The following USP6NL variants were observed in gnomAD, a reference collection of about 807,000 sequenced individuals.
The protein encoded by USP6NL is USP6 N-terminal like, also known as USP6 N-terminal-like protein.
In USP6NL, 26 loss-of-function variants were observed where a neutral mutation model predicts 61.9. The observed-to-expected ratio is 0.42, with a 90% CI of 0.31 to 0.58. The LOEUF is 0.58. Among genes scored for constraint, USP6NL ranks in the 20% least tolerant of loss-of-function variants. The pLI is 0.16. For missense variants in USP6NL, 1,114 were observed against 1,034.3 expected (o/e 1.08, Z -1.06); for synonymous variants, 432 against 390.1 (o/e 1.11, Z -1.27).
In USP6NL at chr10:11,528,524, C is replaced by A. The variant is rs1196988965; in HGVS notation, c.5-957G>T. On this transcript the variant is annotated intron_variant, in intron 2 of 14. Coordinates refer to ENST00000609104, the MANE Select transcript of USP6NL (RefSeq NM_014688.5). The surrounding 1 kb of genome is among the most constrained non-coding windows in gnomAD (Gnocchi z 4.6). Reference sequence around the variant, plus strand: ...GGTAGGCATCATTATGAATCCTACACCGCGATAAAAAAGAGGCTTAGAGAT... The same window carrying A: ...GGTAGGCATCATTATGAATCCTACAACGCGATAAAAAAGAGGCTTAGAGAT... Among the ~76,000 whole-genome samples, 1 of 152,124 alleles carries A rather than the reference C, an allele frequency of 6.6e-6. No individual in the cohort carries two copies. The highest frequency in any genetic ancestry group is 1.9e-4 in the East Asian group (1 of 5,202).
At chr10:11,608,268 G>C (rs905770012) in intron 1 of USP6NL, among the ~76,000 whole-genome samples, 1 of 152,186 alleles carries the variant, frequency 6.6e-6, no homozygotes, top group African/African-American at 2.4e-5. Flanking sequence ...GGACATCAAA[G>C]CATGTCAAGA....
At chr10:11,551,993 A>G (rs1836507582) in intron 2 of USP6NL, among the ~76,000 whole-genome samples, 1 of 152,232 alleles carries the variant, frequency 6.6e-6, no homozygotes, top group African/African-American at 2.4e-5. Context: ...GCATATTTCC[A>G]CTAAAGTAAA....
chr10:11,552,965 A>ACCCACCT (rs777594669), intron 2 of USP6NL, among the ~76,000 whole-genome samples: 5 of 151,948 alleles, frequency 3.3e-5, no homozygotes, highest in South Asian at 2.1e-4. Context: ...TTCAAACCTC[A>ACCCACCT]CCCACCTCCC....
At chr10:11,604,137 C>A (rs189062189) in intron 1 of USP6NL, among the ~76,000 whole-genome samples, 3 of 152,208 alleles carry the variant, frequency 2.0e-5, no homozygotes, top group Admixed American at 1.3e-4. Flanking sequence ...TGGAATTATG[C>A]ATAAAAGAGT....
At chr10:11,606,795 CTTT>C (rs1027919067) in intron 1 of USP6NL, among the ~76,000 whole-genome samples, 3 of 141,638 alleles carry the variant, frequency 2.1e-5, no homozygotes, top group Non-Finnish European at 3.1e-5. Flanking sequence ...GAAATTTTTT[CTTT>C]TTTTTTTTTT....
chr10:11,604,814 T>A (rs1838655215), intron 1 of USP6NL, among the ~76,000 whole-genome samples: 1 of 152,190 alleles, frequency 6.6e-6, no homozygotes, highest in African/African-American at 2.4e-5. Flanking sequence ...AATCAGACCC[T>A]TCTACCTAAG....
chr10:11,472,881 T>C (rs1313727233), intron 14 of USP6NL, among the ~76,000 whole-genome samples: 1 of 152,200 alleles, frequency 6.6e-6, no homozygotes, highest in Non-Finnish European at 1.5e-5. Flanking sequence ...TGTAAACACA[T>C]CTCTCACTAT....
intron 3 of USP6NL, among the ~76,000 whole-genome samples, chr10:11,526,856 C>T (rs1566158907): frequency 6.6e-6 from 1 of 152,026 alleles, no homozygotes; most frequent in South Asian, 2.1e-4. Flanking sequence ...AGATTCCATA[C>T]CAACATAAGG....
Position 11,553,074 on chromosome 10 carries a change from T to C in USP6NL, c.5-25507A>G, listed in dbSNP as rs975506606. ...CTTATAAGTGAGAACACTGGCATCA[T>C]TTTTAACATTTTATTTATCCTTCAC... On this transcript the variant is annotated intron_variant, in intron 2 of 14. Coordinates refer to ENST00000609104, the MANE Select transcript of USP6NL (RefSeq NM_014688.5). The surrounding 1 kb of genome is among the most constrained non-coding windows in gnomAD (Gnocchi z 4.8). 3.9e-5 allele frequency among the ~76,000 whole-genome samples: 6 copies of C among 152,148 alleles called. No individual in the cohort carries two copies. The highest frequency in any genetic ancestry group is 1.2e-4 in the African/African-American group (5 of 41,450).
At chr10:11,606,795 CTT>C (rs1027919067) in intron 1 of USP6NL, among the ~76,000 whole-genome samples, 35 of 141,532 alleles carry the variant, frequency 2.5e-4, no homozygotes, top group Non-Finnish European at 2.5e-4. Context: ...GAAATTTTTT[CTT>C]TTTTTTTTTT....
Position 11,611,472 on chromosome 10 carries a change from G to C in USP6NL, c.-113C>G, listed in dbSNP as rs1207345082. Reference sequence around the variant, plus strand: ...GTACGGTCCCGACTGCTAGGCTGTGGGCAGCGGACAGAGCTGGCGGTCCCG... The same window carrying C: ...GTACGGTCCCGACTGCTAGGCTGTGCGCAGCGGACAGAGCTGGCGGTCCCG... On this transcript the variant is annotated 5_prime_UTR_variant, in exon 1 of 15. Coordinates refer to ENST00000609104, the MANE Select transcript of USP6NL (RefSeq NM_014688.5). The surrounding 1 kb of genome is among the most constrained non-coding windows in gnomAD (Gnocchi z 5.3). The C allele has an allele frequency of 6.4e-6, 1 of 155,984 alleles. No individual in the cohort carries two copies. Among genetic ancestry groups the C allele is most frequent in the African/African-American group, 2.4e-5 (1 of 41,418 alleles). 9.7% of individuals were successfully genotyped at this position (155,984 alleles called of 1,614,324 possible).
Position 11,485,684 on chromosome 10 carries a change from A to G in USP6NL, c.759+133T>C, listed in dbSNP as rs1591832378. The stretch of plus-strand genomic sequence containing the variant: ...TCTAATGGTTTGTAAACAACTGGGA[A>G]TTATAACTGCATAGTAAATGAAATG... On this transcript the variant is annotated intron_variant, in intron 11 of 14. Coordinates refer to ENST00000609104, the MANE Select transcript of USP6NL (RefSeq NM_014688.5). This position sits in a 1 kb window ranked among gnomAD's most constrained non-coding sequence, Gnocchi z 4.8. The G allele has an allele frequency of 1.6e-6, 1 of 626,524 alleles. No individual in the cohort carries two copies. The highest frequency in any genetic ancestry group is 3.0e-5 in the East Asian group (1 of 32,952). The allele number at this position is 626,524 out of a possible 1,614,324, so 38.8% of individuals were successfully genotyped here.
chr10:11,464,672 A>G (rs1219369263), intron 14 of USP6NL, among the ~76,000 whole-genome samples: 1 of 152,242 alleles, frequency 6.6e-6, no homozygotes, highest in East Asian at 1.9e-4. Flanking sequence ...TGAAAGAGCA[A>G]GCAGCGCATA....
At chr10:11,534,770 A>G (rs551889921) in intron 2 of USP6NL, among the ~76,000 whole-genome samples, 2 of 152,240 alleles carry the variant, frequency 1.3e-5, no homozygotes, top group Non-Finnish European at 2.9e-5. Flanking sequence ...ACACCTCATC[A>G]TAATACTTGA....
At chr10:11,509,041 A>G (rs1368340881) in intron 6 of USP6NL, among the ~76,000 whole-genome samples, 1 of 152,204 alleles carries the variant, frequency 6.6e-6, no homozygotes, top group Non-Finnish European at 1.5e-5. Flanking sequence ...ACGCATGGTG[A>G]TATTAATATA....
At chr10:11,477,338 T>C (rs1205799870) in intron 14 of USP6NL, among the ~76,000 whole-genome samples, 1 of 152,198 alleles carries the variant, frequency 6.6e-6, no homozygotes, top group African/African-American at 2.4e-5. Context: ...AAATGTAGGA[T>C]TGTTACAGAT....
chr10:11,586,052 TA>T (rs1425547570), intron 2 of USP6NL, among the ~76,000 whole-genome samples: 1 of 152,174 alleles, frequency 6.6e-6, no homozygotes, highest in Non-Finnish European at 1.5e-5. Context: ...ACTACACACT[TA>T]AAAAATGGCT....
At chr10:11,546,316 A>T (rs1230620676) in intron 2 of USP6NL, among the ~76,000 whole-genome samples, 1 of 152,250 alleles carries the variant, frequency 6.6e-6, no homozygotes, top group Non-Finnish European at 1.5e-5. Flanking sequence ...TAATTAGAAA[A>T]GGTGATTATC....
At chr10:11,564,599 G>A (rs751219898) in intron 2 of USP6NL, 7 of 152,124 alleles carry the variant, frequency 4.6e-5, no homozygotes, top group Admixed American at 1.3e-4. Context: ...TAAAGGGTAC[G>A]ACCCTCTAGA....
Sources: allele counts gnomAD v4.1 joint callset (sites outside exome capture counted in the v4.1 genomes callset), GRCh38; gene constraint gnomAD v4.1.1; non-coding constraint Gnocchi (gnomAD v3.1); transcripts MANE v1.5; gene names NCBI Gene and HGNC (gene_info 2026-07-23, HGNC 2026-07-21).